DRC4: variants seen among roughly 807,000 people sequenced by gnomAD.
The protein encoded by DRC4 is GAS-11.
the DRC4 span, chr16:90,042,999 C>G: frequency 1.7e-6 from 1 of 582,960 alleles, no homozygotes. Flanking sequence ...TAGTGACAGC[C>G]TCTCCCTGTC....
the DRC4 span, chr16:90,031,622 T>A: frequency 9.4e-7 from 1 of 1,065,388 alleles, no homozygotes. Flanking sequence ...TTAAAGGTGT[T>A]TTTTATAAAA....
At chr16:90,031,081 T>C in the DRC4 span, 1 of 1,077,778 alleles carries the variant, frequency 9.3e-7, no homozygotes. Context: ...AGTTATTTTA[T>C]GATTATTGGC....
chr16:90,028,045 G>C, the DRC4 span: 1 of 272,034 alleles, frequency 3.7e-6, no homozygotes, highest in Non-Finnish European at 7.0e-6. Flanking sequence ...GATGTGTATA[G>C]ACTTATCGTA....
the DRC4 span, among the ~76,000 whole-genome samples, chr16:90,023,593 G>GCC: frequency 7.4e-3 from 1,033 of 139,740 alleles, 34 homozygotes; most frequent in Middle Eastern, 0.014. Flanking sequence ...CCTTCTTGGA[G>GCC]TGGAGGGATT....
the DRC4 span, among the ~76,000 whole-genome samples, chr16:90,041,338 A>T: frequency 1.3e-5 from 2 of 152,180 alleles, no homozygotes; most frequent in African/African-American, 4.8e-5. Flanking sequence ...GCTGCTGGCC[A>T]GGTGTGAGGG....
chr16:90,032,023 G>A, the DRC4 span, among the ~76,000 whole-genome samples: 1 of 152,046 alleles, frequency 6.6e-6, no homozygotes, highest in African/African-American at 2.4e-5. Flanking sequence ...CTACAGGTAT[G>A]TACAGGTGAG....
chr16:90,033,871 G>A, the DRC4 span, among the ~76,000 whole-genome samples: 1 of 151,560 alleles, frequency 6.6e-6, no homozygotes, highest in Non-Finnish European at 1.5e-5. Context: ...GTGGGGTGCG[G>A]TTTTGTACAA....
chr16:90,022,926 A>T, the DRC4 span, among the ~76,000 whole-genome samples: 2 of 152,090 alleles, frequency 1.3e-5, no homozygotes, highest in African/African-American at 4.8e-5. Context: ...AGCACTCGGG[A>T]CTGAGACCTG....
the DRC4 span, chr16:90,027,545 C>T: frequency 9.0e-6 from 12 of 1,329,280 alleles, no homozygotes; most frequent in Non-Finnish European, 3.2e-6. Flanking sequence ...GTTCCAGAAC[C>T]TTCTCTGCCA....
chr16:90,040,590 GAT>G, the DRC4 span: 2 of 1,359,082 alleles, frequency 1.5e-6, no homozygotes, highest in South Asian at 1.3e-5. Context: ...CTGCTCCTCG[GAT>G]AGGCACAGAG....
At chr16:90,029,390 T>C in the DRC4 span, 7 of 1,081,684 alleles carry the variant, frequency 6.5e-6, no homozygotes, top group Admixed American at 8.0e-5. Flanking sequence ...AGTGCTGTTT[T>C]TTTCTGATTT....
chr16:90,043,100 G>A, the DRC4 span: 617 of 1,388,938 alleles, frequency 4.4e-4, 1 homozygote, highest in East Asian at 1.1e-3. Context: ...CTTCTGCACC[G>A]TGATGCTCAC....
the DRC4 span, chr16:90,037,864 C>G: frequency 6.2e-7 from 1 of 1,610,232 alleles, no homozygotes; most frequent in Non-Finnish European, 8.5e-7. Flanking sequence ...TGGCACCACG[C>G]TGGCCCTGCA....
the DRC4 span, chr16:90,042,622 G>C: frequency 8.9e-7 from 1 of 1,120,982 alleles, no homozygotes; most frequent in Non-Finnish European, 1.3e-6. Context: ...GACCCCACCT[G>C]TGCCCACTTC....
the DRC4 span, chr16:90,036,797 G>T: frequency 2.9e-6 from 2 of 688,830 alleles, no homozygotes; most frequent in Admixed American, 4.1e-5. Context: ...TCAGGATATT[G>T]CCCTCACCGT....
At chr16:90,036,760 C>G in the DRC4 span, 12 of 715,790 alleles carry the variant, frequency 1.7e-5, no homozygotes, top group Non-Finnish European at 3.0e-5. Flanking sequence ...AATAACGTAA[C>G]CTATCTCTAC....
chr16:90,037,502 G>A, the DRC4 span: 24 of 1,288,496 alleles, frequency 1.9e-5, no homozygotes, highest in South Asian at 1.8e-4. Flanking sequence ...GGCAGGAAGG[G>A]AGACGGGGAG....
At chr16:90,037,645 G>C in the DRC4 span, 4 of 1,101,604 alleles carry the variant, frequency 3.6e-6, no homozygotes, top group Non-Finnish European at 5.5e-6. Context: ...CTTGTGTCCT[G>C]GAACCAGGTC....
chr16:90,029,284 G>A, the DRC4 span: 12 of 1,366,486 alleles, frequency 8.8e-6, no homozygotes, highest in Non-Finnish European at 1.2e-5. Flanking sequence ...GGTCCAGGCA[G>A]GTGGGGAGGG....
Sources: gnomAD v4.1 joint callset for allele counts (sites outside exome capture counted in the v4.1 genomes callset) on GRCh38, gnomAD v4.1.1 for gene constraint, MANE v1.5 for transcripts, NCBI Gene and HGNC (gene_info 2026-07-23, HGNC 2026-07-21) for gene names.